The following CADM2 variants were observed in gnomAD, a reference collection of about 807,000 sequenced individuals.
CADM2 encodes the protein immunoglobulin superfamily member 4D.
CADM2 carries 12 observed loss-of-function variants against 49.8 expected under a neutral mutation model. The ratio of observed to expected loss-of-function variants is 0.24; its 90% CI spans 0.15 to 0.39. The LOEUF is 0.39. CADM2 is among the 10% of genes least tolerant of loss of function. The pLI is 1.00. For synonymous variants in CADM2, 214 were observed against 175.4 expected (o/e 1.22, Z -1.74); for missense variants, 378 against 492.3 (o/e 0.77, Z 2.20).
chr3:85,705,372 A>G (rs1285413603), intron 1 of CADM2, among the ~76,000 whole-genome samples: 2 of 152,176 alleles, frequency 1.3e-5, no homozygotes, highest in Non-Finnish European at 2.9e-5. Context: ...TTCTCTTATT[A>G]GAGATTTAAA....
intron 8 of CADM2, among the ~76,000 whole-genome samples, chr3:86,034,933 T>C (rs1226600385): frequency 6.6e-6 from 1 of 152,020 alleles, no homozygotes; most frequent in Non-Finnish European, 1.5e-5. Flanking sequence ...GCTGCTTTGT[T>C]GCAGGCTTTA....
At chr3:86,045,874 TAAG>T (rs1736614066) in intron 8 of CADM2, among the ~76,000 whole-genome samples, 1 of 152,178 alleles carries the variant, frequency 6.6e-6, no homozygotes, top group African/African-American at 2.4e-5. Context: ...ATTTTACACT[TAAG>T]AAGTCTCAGG....
intron 7 of CADM2, among the ~76,000 whole-genome samples, chr3:85,937,141 T>C (rs1721265993): frequency 1.3e-5 from 2 of 151,818 alleles, no homozygotes; most frequent in Admixed American, 6.6e-5. Context: ...TATTAGACTT[T>C]ATGTTTTATA....
intron 1 of CADM2, among the ~76,000 whole-genome samples, chr3:85,009,694 C>T (rs996813124): frequency 3.0e-4 from 45 of 151,742 alleles, no homozygotes; most frequent in Non-Finnish European, 5.7e-4. Context: ...GGTGAAACCC[C>T]GTTTCTACTA....
intron 1 of CADM2, among the ~76,000 whole-genome samples, chr3:85,283,285 T>C (rs2043550348): frequency 6.6e-6 from 1 of 151,854 alleles, no homozygotes; most frequent in African/African-American, 2.4e-5. Context: ...ATCATGTTTA[T>C]TAATATTGGT....
At position 85,329,128 on chromosome 3, in the gene CADM2, ATC is replaced by A. The variant is rs200277924; in HGVS notation, c.61+369462_61+369463del. On this transcript the variant is annotated intron_variant, in intron 1 of 9. Transcript: ENST00000383699. ...GAAGAAACACAGGGAGAAGATGACCATCTACAAGCTAAGGGAAGAGATACAGC... is the reference window on the plus strand; with the variant it reads ...GAAGAAACACAGGGAGAAGATGACCATACAAGCTAAGGGAAGAGATACAGC... Among the ~76,000 whole-genome samples, 753 of 152,302 alleles carry A rather than the reference ATC, an allele frequency of 4.9e-3. 11 individuals carry two copies. The highest frequency in any genetic ancestry group is 0.017 in the African/African-American group (695 of 41,582).
intron 8 of CADM2, among the ~76,000 whole-genome samples, chr3:86,009,799 TTTAA>T (rs1420548402): frequency 6.6e-6 from 1 of 151,778 alleles, no homozygotes; most frequent in Non-Finnish European, 1.5e-5. Context: ...TAATATATAT[TTTAA>T]TTTATTTAAA....
At chr3:85,415,892 A>G (rs1011282209) in intron 1 of CADM2, among the ~76,000 whole-genome samples, 11 of 152,098 alleles carry the variant, frequency 7.2e-5, no homozygotes, top group African/African-American at 2.7e-4. Flanking sequence ...ATATTTAATT[A>G]TTGCAAATTT....
At chr3:85,598,310 C>T (rs1483842995) in intron 1 of CADM2, among the ~76,000 whole-genome samples, 2 of 148,026 alleles carry the variant, frequency 1.4e-5, no homozygotes, top group Non-Finnish European at 3.0e-5. Context: ...ACACTGGAGA[C>T]CTAGAAACGT....
intron 5 of CADM2, among the ~76,000 whole-genome samples, chr3:85,887,469 A>T (rs1421753328): frequency 2.0e-5 from 3 of 152,064 alleles, no homozygotes; most frequent in Non-Finnish European, 4.4e-5. Context: ...AGCAGATAAG[A>T]TTGCCTATAT....
At chr3:85,875,896 A>G (rs1341495166) in intron 3 of CADM2, among the ~76,000 whole-genome samples, 2 of 152,184 alleles carry the variant, frequency 1.3e-5, no homozygotes, top group Non-Finnish European at 2.9e-5. Flanking sequence ...CAAAGGCCTT[A>G]TGGGTAGAGT....
chr3:85,890,552 A>G (rs1351179113), intron 5 of CADM2, among the ~76,000 whole-genome samples: 1 of 152,130 alleles, frequency 6.6e-6, no homozygotes, highest in East Asian at 1.9e-4. Context: ...ATTCTGATAG[A>G]TTATCGGACC....
At position 85,445,007 on chromosome 3, in the gene CADM2, C is replaced by T. The variant is rs144397290; in HGVS notation, c.62-281515C>T. Among the ~76,000 whole-genome samples the T allele has an allele frequency of 1.5e-4, 23 of 152,166 alleles. No homozygotes were observed. The East Asian group carries it at 3.7e-3, about 24-fold the overall frequency. Reference sequence around the variant, plus strand: ...TGTATATTATCAGTATTATTAGCCTCAAACTATCAACAATGTCATCATTAT... The same window carrying T: ...TGTATATTATCAGTATTATTAGCCTTAAACTATCAACAATGTCATCATTAT... On this transcript the variant is annotated intron_variant, in intron 1 of 9. Transcript: ENST00000383699.
At chr3:85,012,057 T>A (rs948862599) in intron 1 of CADM2, among the ~76,000 whole-genome samples, 20 of 150,558 alleles carry the variant, frequency 1.3e-4, no homozygotes, top group African/African-American at 3.9e-4. Context: ...CATTGAGATA[T>A]AATGGCGAAG....
chr3:85,346,233 A>G (rs1307742246), intron 1 of CADM2, among the ~76,000 whole-genome samples: 1 of 152,200 alleles, frequency 6.6e-6, no homozygotes, highest in Non-Finnish European at 1.5e-5. Flanking sequence ...TGTCTTAGTA[A>G]CCATGATAAG....
intron 1 of CADM2, among the ~76,000 whole-genome samples, chr3:85,024,573 A>C (rs1274601633): frequency 6.6e-6 from 1 of 152,108 alleles, no homozygotes; most frequent in Non-Finnish European, 1.5e-5. Context: ...TATCCACGTA[A>C]CAAAACATAT....
chr3:86,012,502 G>A (rs943514707), intron 8 of CADM2: 274 of 1,109,510 alleles, frequency 2.5e-4, no homozygotes, highest in Admixed American at 3.2e-4. Context: ...GGACCAGCGG[G>A]CGGACTGCCC....
chr3:85,920,340 CA>C (rs1718940004), intron 6 of CADM2, among the ~76,000 whole-genome samples: 1 of 151,782 alleles, frequency 6.6e-6, no homozygotes, highest in African/African-American at 2.4e-5. Flanking sequence ...ATTTGGGTTA[CA>C]TTTTTTTAGA....
chr3:85,875,186 A>G (rs1711648865), intron 3 of CADM2, among the ~76,000 whole-genome samples: 1 of 152,196 alleles, frequency 6.6e-6, no homozygotes, highest in Non-Finnish European at 1.5e-5. Flanking sequence ...GTGAAAGAAC[A>G]AAACAGAAAA....
Sources: allele counts gnomAD v4.1 joint callset (sites outside exome capture counted in the v4.1 genomes callset), GRCh38; gene constraint gnomAD v4.1.1; transcripts MANE v1.5; gene names NCBI Gene and HGNC (gene_info 2026-07-23, HGNC 2026-07-21).